The following CCDC171 variants were observed in gnomAD, a reference collection of about 807,000 sequenced individuals.
CCDC171 encodes coiled-coil domain-containing protein 171.
A neutral mutation model predicts 168.2 loss-of-function variants in CCDC171; 177 were observed. The observed-to-expected ratio is 1.05, with a 90% CI of 0.93 to 1.19. The LOEUF (loss-of-function observed/expected upper bound fraction) is 1.19, where lower values mean the gene tolerates loss of function less well. Ranked by LOEUF, CCDC171 falls within the 50% of genes most tolerant of loss-of-function variation. CCDC171 has a pLI of 0.00. For missense variants in CCDC171, 1,991 were observed against 1,539.0 expected (o/e 1.29, Z -4.91); for synonymous variants, 687 against 540.8 (o/e 1.27, Z -3.75).
intron 21 of CCDC171, among the ~76,000 whole-genome samples, chr9:15,838,173 T>C (rs537769270): frequency 2.8e-4 from 42 of 152,314 alleles, no homozygotes; most frequent in African/African-American, 1.0e-3. Context: ...AGTAAATATT[T>C]AATATATACT....
At chr9:15,945,808 G>A (rs10962231) in intron 25 of CCDC171, among the ~76,000 whole-genome samples, 3 of 151,850 alleles carry the variant, frequency 2.0e-5, no homozygotes, top group South Asian at 2.1e-4. Context: ...AGGTTGCGAA[G>A]ATTTTCTCCC....
At chr9:15,590,790 T>TC (rs2041937245) in intron 4 of CCDC171, among the ~76,000 whole-genome samples, 4 of 143,868 alleles carry the variant, frequency 2.8e-5, no homozygotes, top group African/African-American at 1.0e-4. Context: ...TCTTTCTTTC[T>TC]TTCTTTCTTT....
At chr9:15,706,964 C>A (rs1019037853) in intron 11 of CCDC171, among the ~76,000 whole-genome samples, 4 of 152,122 alleles carry the variant, frequency 2.6e-5, no homozygotes, top group African/African-American at 7.2e-5. Context: ...GATTTTTCCT[C>A]CCCCCTTTCC....
chr9:15,958,297 G>T (rs1251667683), intron 25 of CCDC171, among the ~76,000 whole-genome samples: 5 of 152,108 alleles, frequency 3.3e-5, no homozygotes, highest in Admixed American at 3.3e-4. Context: ...TTACTGTGAT[G>T]ATAGAAATAT....
intron 25 of CCDC171, among the ~76,000 whole-genome samples, chr9:15,963,720 T>C (rs1178093525): frequency 6.6e-6 from 1 of 152,112 alleles, no homozygotes; most frequent in African/African-American, 2.4e-5. Flanking sequence ...TACTACTCTC[T>C]CCCCCAATCA....
rs527880326 is a variant in CCDC171, at chr9:15,653,942, C to T, written c.823-3185C>T. Reference sequence around the variant, plus strand: ...TTTAAAAAAATTCTAATCATTATCACACCTAAAAAGTAATAATAATTCCTT... The same window carrying T: ...TTTAAAAAAATTCTAATCATTATCATACCTAAAAAGTAATAATAATTCCTT... On this transcript the variant is annotated intron_variant, in intron 7 of 25. Transcript: ENST00000380701. 2.0e-5 allele frequency among the ~76,000 whole-genome samples: 3 copies of T among 152,230 alleles called. No individual in the cohort carries two copies. In the South Asian group the frequency reaches 6.2e-4, roughly 32 times the overall value.
chr9:15,771,690 G>T (rs1317965671), intron 18 of CCDC171, among the ~76,000 whole-genome samples: 1 of 152,102 alleles, frequency 6.6e-6, no homozygotes, highest in Non-Finnish European at 1.5e-5. Context: ...TACTGAGAAA[G>T]GCTAGCCTTA....
intron 8 of CCDC171, 52 bp downstream of exon 8, chr9:15,657,271 C>G (rs554389956): frequency 8.8e-7 from 1 of 1,140,904 alleles, no homozygotes; most frequent in African/African-American, 1.5e-5. Context: ...TGTGTTATAA[C>G]AGCTGGGAAA....
intron 24 of CCDC171, among the ~76,000 whole-genome samples, chr9:15,913,203 A>C (rs926927380): frequency 6.6e-6 from 1 of 152,264 alleles, no homozygotes; most frequent in Non-Finnish European, 1.5e-5. Context: ...CCTCAATTTC[A>C]GAACTTGTTA....
At chr9:15,712,762 A>T (rs570582163) in intron 11 of CCDC171, among the ~76,000 whole-genome samples, 83 of 152,254 alleles carry the variant, frequency 5.5e-4, no homozygotes, top group African/African-American at 1.9e-3. Flanking sequence ...TGTTTTTGCT[A>T]TTGGTGAATT....
intron 8 of CCDC171, 105 bp from the exon 9 acceptor site, chr9:15,666,058 T>C (rs1185004140): frequency 2.1e-6 from 2 of 952,882 alleles, no homozygotes; most frequent in East Asian, 5.0e-5. Context: ...AAGAAAGAAG[T>C]GCTTGGATGA....
chr9:16,048,793 T>C (rs999086079), intron 1 of CCDC171, among the ~76,000 whole-genome samples: 1 of 152,148 alleles, frequency 6.6e-6, no homozygotes, highest in African/African-American at 2.4e-5. Context: ...TAAAGAGTTA[T>C]TGTGGGAATT....
chr9:15,793,499 G>A (rs1450897840), intron 21 of CCDC171, among the ~76,000 whole-genome samples: 2 of 142,664 alleles, frequency 1.4e-5, no homozygotes, highest in African/African-American at 5.3e-5. Flanking sequence ...CTCTCCACCC[G>A]AAATCAACAG....
intron 2 of CCDC171, among the ~76,000 whole-genome samples, chr9:15,570,395 T>C (rs534337195): frequency 3.8e-4 from 58 of 152,174 alleles, no homozygotes; most frequent in Non-Finnish European, 6.5e-4. Context: ...GTTTTTTTTT[T>C]CCCCTCTTCT....
At chr9:15,916,296 C>G (rs994747255) in intron 24 of CCDC171, among the ~76,000 whole-genome samples, 4 of 151,754 alleles carry the variant, frequency 2.6e-5, no homozygotes, top group Non-Finnish European at 5.9e-5. Context: ...TGTATTAATA[C>G]TCATTTAATT....
chr9:16,064,440 C>A (rs756334740), downstream of CCDC171, among the ~76,000 whole-genome samples: 1 of 151,958 alleles, frequency 6.6e-6, no homozygotes, highest in Non-Finnish European at 1.5e-5. Flanking sequence ...AGGAGGAAGA[C>A]GCGAGAGGAG....
At chr9:15,842,157 A>C (rs1291401163) in intron 21 of CCDC171, among the ~76,000 whole-genome samples, 1 of 151,972 alleles carries the variant, frequency 6.6e-6, no homozygotes, top group Non-Finnish European at 1.5e-5. Flanking sequence ...CTAACTTTTT[A>C]TACCAAATTG....
intron 3 of CCDC171, among the ~76,000 whole-genome samples, chr9:15,979,271 C>T (rs58620173): frequency 0.076 from 11,601 of 152,118 alleles, 1,448 homozygotes; most frequent in African/African-American, 0.26. Flanking sequence ...AATCTAAATG[C>T]CTTTCGTTTC....
In CCDC171 at chr9:15,902,675, G is replaced by C. The variant is rs193147356; in HGVS notation, c.3601-17595G>C. On this transcript the variant is annotated intron_variant, in intron 24 of 25. Coordinates refer to ENST00000380701, the MANE Select transcript of CCDC171 (RefSeq NM_173550.4). ...GGGTTCATCTCACTGGCGAGTGTTG[G>C]AAAGTGGGTGCAGGACAGTGGGTGC... 1.7e-3 allele frequency among the ~76,000 whole-genome samples: 263 copies of C among 152,284 alleles called. 2 individuals are homozygous for C. Among genetic ancestry groups the C allele is most frequent in the Admixed American group, 1.1e-3 (17 of 15,300 alleles).
Sources: gnomAD v4.1 joint callset for allele counts (sites outside exome capture counted in the v4.1 genomes callset) on GRCh38, gnomAD v4.1.1 for gene constraint, MANE v1.5 for transcripts, NCBI Gene and HGNC (gene_info 2026-07-23, HGNC 2026-07-21) for gene names.